Variants in ADD1 observed in about 807,000 individuals in gnomAD.
ADD1 encodes adducin 1.
A neutral mutation model predicts 80.5 loss-of-function variants in ADD1; 24 were observed. The ratio of observed to expected loss-of-function variants is 0.30; its 90% CI spans 0.22 to 0.42. The LOEUF (loss-of-function observed/expected upper bound fraction) is 0.42. ADD1 is among the 10% of genes least tolerant of loss of function. The pLI is 1.00. For missense variants in ADD1, 948 were observed against 1,019.0 expected, an observed-to-expected ratio of 0.93 and a Z score of 0.95; for synonymous variants, 373 against 393.8, an observed-to-expected ratio of 0.95 and a Z score of 0.63.
chr4:2,882,073 T>C lies in ADD1; in HGVS notation c.358+13T>C, dbSNP rs746881980. ...GCCTTAAACATGAGTGAGTAGTTCC[T>C]GATTTTTAATATATGTTCTGTAGTT... On this transcript the variant is annotated intron_variant, in intron 3 of 15. Transcript: ENST00000683351. 2 of 1,578,694 alleles carry C rather than the reference T, an allele frequency of 1.3e-6. No homozygotes were observed. The highest frequency in any genetic ancestry group is 4.0e-5 in the Admixed American group (2 of 49,636).
chr4:2,860,463 G>A (rs10026792), intron 1 of ADD1, among the ~76,000 whole-genome samples: 35,456 of 152,100 alleles, frequency 0.23, 4,749 homozygotes, highest in Middle Eastern at 0.3. Context: ...TCAGTCGGAC[G>A]TCAGTTGTGA....
Position 2,907,790 on chromosome 4 carries a change from C to G in ADD1, c.1554C>G (p.Asn518Lys), listed in dbSNP as rs1482248207. The stretch of plus-strand genomic sequence containing the variant: ...GAACTTCCACCTCTGCTGTCCCTAA[C>G]CTGTTTGTTCCATTGAACACTAACC... ...GHRTSTSAVP[N>K]LFVPLNTNPK... The change falls in exon 11 of 16, where the codon AAC becomes AAG. Residue 518 changes from asparagine to lysine, a missense_variant. Physicochemically the swap from Asn to Lys is moderately conservative, Grantham distance 94. Transcript: ENST00000683351. 1 of 1,614,012 alleles carries G rather than the reference C, an allele frequency of 6.2e-7. No homozygotes were observed. Among genetic ancestry groups the G allele is most frequent in the Non-Finnish European group, 8.5e-7 (1 of 1,180,044 alleles).
At chr4:2,886,384 C>CT (rs1733371706) in intron 4 of ADD1, among the ~76,000 whole-genome samples, 1 of 152,218 alleles carries the variant, frequency 6.6e-6, no homozygotes, top group Non-Finnish European at 1.5e-5. Context: ...GCCAGAGAGA[C>CT]TGAGTTGCCT....
At chr4:2,890,621 GA>G (rs767612277) in intron 4 of ADD1, among the ~76,000 whole-genome samples, 14 of 152,010 alleles carry the variant, frequency 9.2e-5, no homozygotes, top group Non-Finnish European at 1.6e-4. Flanking sequence ...TTTTAGCCAG[GA>G]TGGTCTCCAT....
chr4:2,917,224 A>T (rs1188304640), intron 14 of ADD1, among the ~76,000 whole-genome samples: 1 of 152,198 alleles, frequency 6.6e-6, no homozygotes, highest in Non-Finnish European at 1.5e-5. Flanking sequence ...AATGATCGCC[A>T]CTGTAACTGG....
At chr4:2,890,210 A>G (rs1184799153) in intron 4 of ADD1, among the ~76,000 whole-genome samples, 1 of 151,958 alleles carries the variant, frequency 6.6e-6, no homozygotes, top group Non-Finnish European at 1.5e-5. Context: ...AAAAAAAAAG[A>G]AATAATATCT....
rs781290057 is a variant in ADD1, at chr4:2,904,979, A to C, written c.1377A>C (p.Glu459Asp). 5.6e-6 allele frequency: 9 copies of C among 1,614,096 alleles called. No homozygotes were observed. The South Asian group carries it at 8.8e-5, about 16-fold the overall frequency. The change falls in exon 10 of 16, where the codon GAA becomes GAC. Residue 459 changes from glutamate to aspartate, a missense_variant. Transcript: ENST00000683351. ...GCCGGGGCGACGAAGCTTCCGAGGA[A>C]GGGCAGAATGGAAGCAGTCCCAAGT... ...NSGRGDEASEEGQNGSSPKSK... is the reference protein window; with the variant it reads ...NSGRGDEASEDGQNGSSPKSK...
chr4:2,926,245 CT>C lies in ADD1; in HGVS notation c.2047+136del. On this transcript the variant is annotated intron_variant, in intron 15 of 15. Coordinates refer to ENST00000683351, the MANE Select transcript of ADD1 (RefSeq NM_001354761.2). The surrounding 1 kb of genome is among the most constrained non-coding windows in gnomAD (Gnocchi z 5.0). ...TTGCATCAGCGCCAGGACGTGACAC[CT>C]TTCTCCTCCTATATTGCTTCTGTCC... 1.3e-6 allele frequency: 1 copy of C among 797,878 alleles called. No individual in the cohort carries two copies. 49.4% of individuals were successfully genotyped at this position (797,878 alleles called of 1,614,324 possible). A position where few individuals can be genotyped will look rare whatever the true frequency, so the allele number is the denominator to read the frequency against.
At chr4:2,884,491 G>T in intron 3 of ADD1, 24 bp from the exon 4 acceptor site, 1 of 1,583,930 alleles carries the variant, frequency 6.3e-7, no homozygotes, top group South Asian at 1.1e-5. Context: ...GCACCTGGCT[G>T]AGTTTTGTTT....
chr4:2,862,295 ATGGGT>A (rs1276800949), intron 1 of ADD1, among the ~76,000 whole-genome samples: 1 of 152,242 alleles, frequency 6.6e-6, no homozygotes, highest in Non-Finnish European at 1.5e-5. Flanking sequence ...GCTTCACTGA[ATGGGT>A]CTCAGAGGTT....
chr4:2,855,392 G>A (rs924321637), intron 1 of ADD1, among the ~76,000 whole-genome samples: 4 of 151,446 alleles, frequency 2.6e-5, no homozygotes, highest in African/African-American at 7.3e-5. Flanking sequence ...CCCCATGCTT[G>A]CCTTTTTAAA....
At chr4:2,866,761 C>T (rs1290965158) in intron 1 of ADD1, among the ~76,000 whole-genome samples, 1 of 152,078 alleles carries the variant, frequency 6.6e-6, no homozygotes. Flanking sequence ...TTGAGCCGGC[C>T]ATTTATTTAT....
At chr4:2,861,208 G>C (rs1192395996) in intron 1 of ADD1, among the ~76,000 whole-genome samples, 1 of 152,166 alleles carries the variant, frequency 6.6e-6, no homozygotes, top group African/African-American at 2.4e-5. Context: ...TGGTGAGCAA[G>C]GGAGCGTGGG....
intron 14 of ADD1, among the ~76,000 whole-genome samples, chr4:2,915,797 C>CTGG: frequency 6.6e-6 from 1 of 152,278 alleles, no homozygotes; most frequent in Non-Finnish European, 1.5e-5. Flanking sequence ...GCACTCTAGC[C>CTGG]TGGGCATCTC....
chr4:2,905,811 C>T (rs1000305848), intron 10 of ADD1: 7 of 152,662 alleles, frequency 4.6e-5, no homozygotes. Flanking sequence ...GCGTTAATGC[C>T]GCTCAAGTTA....
intron 1 of ADD1, among the ~76,000 whole-genome samples, chr4:2,861,775 GA>G (rs971274125): frequency 8.3e-4 from 127 of 152,306 alleles, no homozygotes; most frequent in Middle Eastern, 6.8e-3. Flanking sequence ...CGAGGGCTGA[GA>G]ACCACTGGTG....
In ADD1 at chr4:2,905,153, G is replaced by A. The variant is rs1030437341; in HGVS notation, c.1506+45G>A. ...TTCATAGTTAGATGACGTAGAGCAA[G>A]TTGGGTAGCTGGGGCTTCGGAGGCT... On this transcript the variant is annotated intron_variant, in intron 10 of 15. Transcript: ENST00000683351. 3.8e-6 allele frequency: 6 copies of A among 1,591,704 alleles called. No individual in the cohort carries two copies. The African/African-American group carries it at 5.4e-5, about 14-fold the overall frequency.
chr4:2,890,224 A>G (rs1323335437), intron 4 of ADD1, among the ~76,000 whole-genome samples: 2 of 152,128 alleles, frequency 1.3e-5, no homozygotes, highest in East Asian at 3.9e-4. Context: ...AATATCTGGA[A>G]TAGATAACTG....
At chr4:2,893,250 A>G (rs950619570) in intron 4 of ADD1, among the ~76,000 whole-genome samples, 3 of 152,096 alleles carry the variant, frequency 2.0e-5, no homozygotes, top group Admixed American at 1.3e-4. Flanking sequence ...TATTTTTAAA[A>G]ATTCATTTTG....
Sources: gnomAD v4.1 joint callset for allele counts (sites outside exome capture counted in the v4.1 genomes callset) on GRCh38, gnomAD v4.1.1 for gene constraint, Gnocchi (gnomAD v3.1) non-coding constraint, MANE v1.5 for transcripts, NCBI Gene and HGNC (gene_info 2026-07-23, HGNC 2026-07-21) for gene names.